The following SCLY variants were observed in gnomAD, a reference collection of about 807,000 sequenced individuals.
SCLY encodes the protein putative selenocysteine lyase.
In SCLY, 38 loss-of-function variants were observed where a neutral mutation model predicts 50.1. The observed-to-expected ratio is 0.76, with a 90% CI of 0.59 to 0.99. The LOEUF is 0.99. Ranked by LOEUF, SCLY falls within the 50% of genes least tolerant of loss-of-function variation. The pLI, the probability that SCLY is intolerant of heterozygous loss-of-function variation, is 0.00. For synonymous variants in SCLY, 243 were observed against 249.4 expected (o/e 0.97, Z 0.24); for missense variants, 600 against 620.0 (o/e 0.97, Z 0.34).
At chr2:238,077,482 A>G (rs1008467089) in intron 4 of SCLY, among the ~76,000 whole-genome samples, 1 of 152,266 alleles carries the variant, frequency 6.6e-6, no homozygotes, top group Non-Finnish European at 1.5e-5. Context: ...CTATGTGTCA[A>G]TTAGCAGTAT....
chr2:238,074,822 A>T (rs75161407), intron 4 of SCLY, among the ~76,000 whole-genome samples: 2,780 of 152,238 alleles, frequency 0.018, 57 homozygotes, highest in East Asian at 0.09. Context: ...TGGATTCCTG[A>T]GGATTTTCTA....
At chr2:238,078,937 C>T (rs2065201790) in intron 4 of SCLY, 1 of 152,080 alleles carries the variant, frequency 6.6e-6, no homozygotes, top group Non-Finnish European at 1.5e-5. Flanking sequence ...AAGTGATCTG[C>T]CCACCTTGGC....
At chr2:238,073,149 T>C (rs1440756337) in intron 4 of SCLY, among the ~76,000 whole-genome samples, 1 of 152,222 alleles carries the variant, frequency 6.6e-6, no homozygotes, top group African/African-American at 2.4e-5. Context: ...GGCACCCTTA[T>C]TGAAAATCAG....
At chr2:238,086,844 AC>A (rs754555682) in intron 7 of SCLY, among the ~76,000 whole-genome samples, 11 of 151,972 alleles carry the variant, frequency 7.2e-5, no homozygotes, top group Non-Finnish European at 1.5e-4. Flanking sequence ...ACATTGAGAA[AC>A]CCCATCTCTA....
In SCLY at chr2:238,061,076, G is replaced by A; in HGVS notation, c.22G>A (p.Gly8Arg). The A allele has an allele frequency of 7.2e-7, 1 of 1,394,874 alleles. No individual in the cohort carries two copies. Among genetic ancestry groups the A allele is most frequent in the South Asian group, 1.6e-5 (1 of 62,968 alleles). 86.4% of individuals were successfully genotyped at this position (1,394,874 alleles called of 1,614,324 possible). MEAAVAP[G>R]RDAPAPAASQ... ...GGGGATGGAGGCGGCCGTGGCGCCG[G>A]GGAGGGATGCGCCGGCACCCGCGGC... Residue 8 changes from glycine (G) to arginine (R), a missense_variant, in exon 1 of 12, where the codon GGG (glycine) becomes AGG (arginine). Physicochemically the swap from Gly to Arg is moderately radical, Grantham distance 125 (BLOSUM62 -2). Transcript: ENST00000254663.
chr2:238,062,032 C>T (rs1319990011), intron 1 of SCLY, among the ~76,000 whole-genome samples: 1 of 152,096 alleles, frequency 6.6e-6, no homozygotes, highest in Non-Finnish European at 1.5e-5. Context: ...GAAAATATCC[C>T]CTAGGGAATC....
chr2:238,068,130 C>G lies in SCLY; in HGVS notation c.268C>G (p.Pro90Ala). 6.2e-7 allele frequency: 1 copy of G among 1,610,800 alleles called. No homozygotes were observed. Among genetic ancestry groups the G allele is most frequent in the Non-Finnish European group, 8.5e-7 (1 of 1,178,580 alleles). ...CCTCGCGAAGATGATAGGGGGGAAACCTCAAGATATAATCTTCACTTCCGG... is the reference window on the plus strand; with the variant it reads ...CCTCGCGAAGATGATAGGGGGGAAAGCTCAAGATATAATCTTCACTTCCGG... The part of the protein sequence containing the change: ...ESLAKMIGGK[P>A]QDIIFTSGGT... Residue 90 changes from proline to alanine, a missense_variant, in exon 3 of 12, where the codon CCT becomes GCT. Physicochemically the swap from Pro to Ala is conservative, Grantham distance 27. Transcript: ENST00000254663.
At chr2:238,089,809 A>T (rs2065343536) in intron 7 of SCLY, among the ~76,000 whole-genome samples, 1 of 152,178 alleles carries the variant, frequency 6.6e-6, no homozygotes, top group Non-Finnish European at 1.5e-5. Flanking sequence ...TAAATGTAAA[A>T]CATAAAGCAA....
Position 238,061,100 on chromosome 2 carries a change from G to A in SCLY, c.46G>A (p.Ala16Thr), listed in dbSNP as rs2065012113. The change falls in exon 1 of 12, where the codon GCG (alanine) becomes ACG (threonine). Residue 16 changes from alanine (A) to threonine (T), a missense_variant. Ala to Thr is a moderately conservative substitution (Grantham distance 58). Transcript: ENST00000254663. ...GGGGAGGGATGCGCCGGCACCCGCG[G>A]CGAGTCAGCCCAGCGGCTGCGGGAA... is the stretch of plus-strand genomic sequence containing the variant. ...APGRDAPAPA[A>T]SQPSGCGKHN... is the part of the protein sequence containing the mutation. The A allele has an allele frequency of 1.4e-6, 2 of 1,406,152 alleles. No individual in the cohort carries two copies. Among genetic ancestry groups the A allele is most frequent in the Non-Finnish European group, 1.8e-6 (2 of 1,089,614 alleles). 87.1% of individuals were successfully genotyped at this position (1,406,152 alleles called of 1,614,324 possible).
chr2:238,098,621 G>A lies in SCLY; in HGVS notation c.*266G>A, dbSNP rs573047356. The A allele has an allele frequency of 1.7e-3, 528 of 308,554 alleles. 7 individuals carry two copies. Among genetic ancestry groups the A allele is most frequent in the African/African-American group, 5.2e-3 (173 of 32,982 alleles). The allele number at this position is 308,554 out of a possible 1,614,324, so 19.1% of individuals were successfully genotyped here. A position where few individuals can be genotyped will look rare whatever the true frequency, so the allele number is the denominator to read the frequency against. On this transcript the variant is annotated 3_prime_UTR_variant, in exon 12 of 12. Coordinates refer to ENST00000254663, the MANE Select transcript of SCLY (RefSeq NM_016510.7). Reference sequence around the variant, plus strand: ...CGCCCACATAGGACCGCCCACATGGGACCGCCCACATGGGACCGCCCACAT... The same window carrying A: ...CGCCCACATAGGACCGCCCACATGGAACCGCCCACATGGGACCGCCCACAT...
At position 238,066,905 on chromosome 2, in the gene SCLY, A is replaced by C. The variant is rs1482879277; in HGVS notation, c.203-1160A>C. ...GCAAAGTCACATCTTACATGGCAGC[A>C]GAGAAGAGTGTGCGTGCAGGGGAGC... On this transcript the variant is annotated intron_variant, in intron 2 of 11. Coordinates refer to ENST00000254663, the MANE Select transcript of SCLY (RefSeq NM_016510.7). The surrounding 1 kb of genome is among the most constrained non-coding windows in gnomAD (Gnocchi z 4.1). Among the ~76,000 whole-genome samples, 1 of 152,242 alleles carries C rather than the reference A, an allele frequency of 6.6e-6. No homozygotes were observed. Among genetic ancestry groups the C allele is most frequent in the Non-Finnish European group, 1.5e-5 (1 of 68,042 alleles).
At chr2:238,081,045 G>C (rs2065231564) in intron 4 of SCLY, 1 of 152,294 alleles carries the variant, frequency 6.6e-6, no homozygotes, top group Non-Finnish European at 1.5e-5. Flanking sequence ...TGCCCAGGCT[G>C]GTCTTGAACC....
Position 238,067,022 on chromosome 2 carries a change from C to T in SCLY, c.203-1043C>T, listed in dbSNP as rs535355675. Among the ~76,000 whole-genome samples the T allele has an allele frequency of 5.3e-5, 8 of 152,260 alleles. No homozygotes were observed. The East Asian group carries it at 1.5e-3, about 29-fold the overall frequency. On this transcript the variant is annotated intron_variant, in intron 2 of 11. Transcript: ENST00000254663. This position sits in a 1 kb window ranked among gnomAD's most constrained non-coding sequence, Gnocchi z 4.3. ...CCTGCCGCCATGATTCAGTTACCTC[C>T]CACCGGGTCCCTCTGATGACGTGGG...
chr2:238,061,968 A>G (rs1308286640), intron 1 of SCLY, among the ~76,000 whole-genome samples: 4 of 152,162 alleles, frequency 2.6e-5, no homozygotes, highest in African/African-American at 9.7e-5. Context: ...GTCCAGGCCT[A>G]AAGCACACAC....
Position 238,098,727 on chromosome 2 carries a change from C to T in SCLY, c.*372C>T, listed in dbSNP as rs1362100736. 1 of 290,480 alleles carries T rather than the reference C, an allele frequency of 3.4e-6. No individual in the cohort carries two copies. Among genetic ancestry groups the T allele is most frequent in the Non-Finnish European group, 6.2e-6 (1 of 160,926 alleles). 18.0% of individuals were successfully genotyped at this position (290,480 alleles called of 1,614,324 possible). A position where few individuals can be genotyped will look rare whatever the true frequency, so the allele number is the denominator to read the frequency against. On this transcript the variant is annotated 3_prime_UTR_variant, in exon 12 of 12. Transcript: ENST00000254663. ...TCCACCCTCCCCACTGGGAACTGGG[C>T]ACGCCTGTTGTGAGTGCCCTTTCCT...
intron 4 of SCLY, among the ~76,000 whole-genome samples, chr2:238,071,276 G>A (rs2065124736): frequency 1.3e-5 from 2 of 152,166 alleles, no homozygotes; most frequent in Non-Finnish European, 2.9e-5. Context: ...AGACATGCAT[G>A]TGATGGAAAT....
intron 4 of SCLY, among the ~76,000 whole-genome samples, chr2:238,071,090 C>T (rs2065122732): frequency 6.6e-6 from 1 of 152,062 alleles, no homozygotes; most frequent in Non-Finnish European, 1.5e-5. Context: ...CCTTGGCCTC[C>T]CAAAGTGCTG....
Position 238,081,756 on chromosome 2 carries a change from G to A in SCLY, c.532G>A (p.Asp178Asn). 2 of 1,614,218 alleles carry A rather than the reference G, an allele frequency of 1.2e-6. No homozygotes were observed. Among genetic ancestry groups the A allele is most frequent in the Non-Finnish European group, 1.7e-6 (2 of 1,180,046 alleles). The change falls in exon 5 of 12, where the codon GAC becomes AAC. Residue 178 changes from aspartate (D) to asparagine (N), a missense_variant. By Grantham distance (23) the Asp-to-Asn change is conservative (BLOSUM62 1). Transcript: ENST00000254663. The part of the protein sequence containing the change: ...VSKVSGQAEV[D>N]DILAAVRPTT... The stretch of plus-strand genomic sequence containing the variant: ...CAAGGTGAGCGGGCAGGCAGAGGTG[G>A]ACGACATCCTCGCGGCAGTCCGCCC...
intron 7 of SCLY, among the ~76,000 whole-genome samples, chr2:238,089,628 TGATTTTTTTTTTTTTTGC>T (rs1175020075): frequency 1.9e-3 from 269 of 143,088 alleles, no homozygotes; most frequent in African/African-American, 6.7e-3. Flanking sequence ...CTTAAAACAT[TGATTTTTTTTTTTTTTGC>T]GATTTTTTTT....
Sources: allele counts gnomAD v4.1 joint callset (sites outside exome capture counted in the v4.1 genomes callset), GRCh38; gene constraint gnomAD v4.1.1; non-coding constraint Gnocchi (gnomAD v3.1); transcripts MANE v1.5; gene names NCBI Gene and HGNC (gene_info 2026-07-23, HGNC 2026-07-21).